The following GALNTL6 variants were observed in gnomAD, a reference collection of about 807,000 sequenced individuals.
GALNTL6 encodes polypeptide N-acetylgalactosaminyltransferase like 6, also known as polypeptide N-acetylgalactosaminyltransferase-like 6.
Under a neutral mutation model 73.7 loss-of-function variants are expected in GALNTL6, and 46 were observed. That is an observed-to-expected ratio of 0.62 (90% CI 0.49 to 0.80). GALNTL6 has a LOEUF of 0.80. Among genes scored for constraint, GALNTL6 ranks in the 30% least tolerant of loss-of-function variants. The pLI, the probability that GALNTL6 is intolerant of heterozygous loss-of-function variation, is 0.00. For missense variants in GALNTL6, 604 were observed against 755.0 expected, an observed-to-expected ratio of 0.80 and a Z score of 2.34; for synonymous variants, 259 against 263.7, an observed-to-expected ratio of 0.98 and a Z score of 0.17.
chr4:173,006,247 T>C (rs1170877995), intron 10 of GALNTL6, among the ~76,000 whole-genome samples: 1 of 152,128 alleles, frequency 6.6e-6, no homozygotes, highest in African/African-American at 2.4e-5. Flanking sequence ...GAGAGAAAAA[T>C]AGTGCCTTGA....
chr4:172,289,660 C>A (rs954444630), intron 3 of GALNTL6, among the ~76,000 whole-genome samples: 12 of 152,150 alleles, frequency 7.9e-5, no homozygotes, highest in Non-Finnish European at 5.9e-5. Context: ...ACAATCCTGG[C>A]AAGGGTCACT....
chr4:172,077,549 C>G (rs1731737966), intron 2 of GALNTL6, among the ~76,000 whole-genome samples: 2 of 151,980 alleles, frequency 1.3e-5, no homozygotes. Context: ...GAAGAAATTT[C>G]TAAGCAGCAA....
intron 5 of GALNTL6, among the ~76,000 whole-genome samples, chr4:172,356,337 C>T (rs1742157846): frequency 6.6e-6 from 1 of 152,228 alleles, no homozygotes; most frequent in Non-Finnish European, 1.5e-5. Context: ...GACTATTCCT[C>T]TTGTCAGCAA....
intron 4 of GALNTL6, among the ~76,000 whole-genome samples, chr4:172,334,835 A>G (rs1237686609): frequency 6.6e-6 from 1 of 152,092 alleles, no homozygotes; most frequent in Non-Finnish European, 1.5e-5. Context: ...GCTTTTGCCC[A>G]TTCAGTAGGA....
At chr4:171,867,789 T>G (rs965971181) in intron 2 of GALNTL6, among the ~76,000 whole-genome samples, 47 of 152,328 alleles carry the variant, frequency 3.1e-4, no homozygotes, top group African/African-American at 1.1e-3. Context: ...ATTAATAAAA[T>G]TCTGTATGAT....
chr4:172,233,205 C>CA (rs35723958), intron 3 of GALNTL6, among the ~76,000 whole-genome samples: 46,783 of 104,500 alleles, frequency 0.45, 9,030 homozygotes, highest in Middle Eastern at 0.49. Context: ...CTCATCTCTC[C>CA]AAAAAAAAAA....
intron 2 of GALNTL6, among the ~76,000 whole-genome samples, chr4:171,929,266 C>A: frequency 6.6e-6 from 1 of 152,244 alleles, no homozygotes; most frequent in South Asian, 2.1e-4. Flanking sequence ...GAGATGGGAT[C>A]TCTCTGTATT....
At chr4:172,633,722 A>G (rs534511570) in intron 5 of GALNTL6, among the ~76,000 whole-genome samples, 64 of 152,268 alleles carry the variant, frequency 4.2e-4, no homozygotes, top group Non-Finnish European at 7.9e-4. Context: ...TGCTTTGGCT[A>G]TGTCCACACC....
intron 3 of GALNTL6, among the ~76,000 whole-genome samples, chr4:172,235,228 G>C (rs1483072661): frequency 6.6e-6 from 1 of 151,782 alleles, no homozygotes; most frequent in East Asian, 1.9e-4. Context: ...GTTTGTTTGA[G>C]ATAGAATTTC....
intron 5 of GALNTL6, among the ~76,000 whole-genome samples, chr4:172,469,929 CTAT>C (rs1732983023): frequency 1.3e-5 from 2 of 152,274 alleles, no homozygotes; most frequent in African/African-American, 4.8e-5. Context: ...GGATTTACTA[CTAT>C]TGTTAGACTT....
chr4:172,855,979 G>A (rs1218022650), intron 7 of GALNTL6, among the ~76,000 whole-genome samples: 2 of 152,132 alleles, frequency 1.3e-5, no homozygotes, highest in African/African-American at 4.8e-5. Context: ...TTTCCTCCCG[G>A]TTGTCCAGGC....
chr4:172,112,012 A>G (rs1732865713), intron 2 of GALNTL6, among the ~76,000 whole-genome samples: 2 of 152,082 alleles, frequency 1.3e-5, no homozygotes, highest in Admixed American at 6.6e-5. Flanking sequence ...TGCACACACT[A>G]TTAAAGGATG....
intron 5 of GALNTL6, among the ~76,000 whole-genome samples, chr4:172,369,579 T>A (rs1742707006): frequency 6.6e-6 from 1 of 152,128 alleles, no homozygotes; most frequent in Non-Finnish European, 1.5e-5. Flanking sequence ...GGGCGGGGCT[T>A]GGGCATGGCG....
chr4:172,230,570 A>AT (rs1737025957), intron 3 of GALNTL6, among the ~76,000 whole-genome samples: 1 of 149,946 alleles, frequency 6.7e-6, no homozygotes, highest in Non-Finnish European at 1.5e-5. Flanking sequence ...ATAGAGTGAG[A>AT]CTCCGTTTCA....
chr4:171,969,768 C>CAT (rs1553977045), intron 2 of GALNTL6, among the ~76,000 whole-genome samples: 45 of 143,966 alleles, frequency 3.1e-4, no homozygotes, highest in Admixed American at 1.3e-3. Flanking sequence ...CTCCAAACCA[C>CAT]TTTTTTTTTT....
At chr4:172,689,113 A>G (rs1733108963) in intron 5 of GALNTL6, among the ~76,000 whole-genome samples, 1 of 152,192 alleles carries the variant, frequency 6.6e-6, no homozygotes, top group Admixed American at 6.5e-5. Context: ...GTTAGAAGTT[A>G]TATATCCCCA....
At chr4:171,891,118 C>T (rs1736747925) in intron 2 of GALNTL6, among the ~76,000 whole-genome samples, 1 of 152,198 alleles carries the variant, frequency 6.6e-6, no homozygotes, top group East Asian at 1.9e-4. Flanking sequence ...CTTACTCCTA[C>T]CCTGACGTTA....
At chr4:172,491,280 G>T (rs1209231999) in intron 5 of GALNTL6, among the ~76,000 whole-genome samples, 1 of 151,862 alleles carries the variant, frequency 6.6e-6, no homozygotes, top group Non-Finnish European at 1.5e-5. Context: ...TAAATTTTAT[G>T]AATTATCCAT....
At chr4:172,051,421 G>A (rs568257536) in intron 2 of GALNTL6, among the ~76,000 whole-genome samples, 256 of 152,258 alleles carry the variant, frequency 1.7e-3, no homozygotes, top group African/African-American at 5.9e-3. Flanking sequence ...TGGACTTGAA[G>A]GATAAATGCA....
Sources: allele counts gnomAD v4.1 joint callset (sites outside exome capture counted in the v4.1 genomes callset), GRCh38; gene constraint gnomAD v4.1.1; transcripts MANE v1.5; gene names NCBI Gene and HGNC (gene_info 2026-07-23, HGNC 2026-07-21).